The following HDAC9 variants were observed in gnomAD, a reference collection of about 807,000 sequenced individuals.
HDAC9 encodes the protein histone deacetylase 9.
In HDAC9, 41 loss-of-function variants were observed where a neutral mutation model predicts 139.4. The ratio of observed to expected loss-of-function variants is 0.29; its 90% CI spans 0.23 to 0.38. HDAC9 has a LOEUF of 0.38. Ranked by LOEUF, HDAC9 falls within the 10% of genes least tolerant of loss-of-function variation. The probability of loss-of-function intolerance (pLI) is 1.00; values close to 1 mark genes in which losing one functional copy is unlikely to be tolerated. For missense variants in HDAC9, 1,147 were observed against 1,297.0 expected (o/e 0.88, Z 1.78); for synonymous variants, 517 against 476.2 (o/e 1.09, Z -1.12).
At chr7:18,632,457 T>C (rs1267570308) in intron 7 of HDAC9, among the ~76,000 whole-genome samples, 1 of 152,044 alleles carries the variant, frequency 6.6e-6, no homozygotes, top group African/African-American at 2.4e-5. Context: ...GGAAACTGGG[T>C]GTTCCCTTTC....
intron 13 of HDAC9, among the ~76,000 whole-genome samples, chr7:18,731,485 G>A (rs1178132): frequency 6.6e-6 from 1 of 151,956 alleles, no homozygotes; most frequent in African/African-American, 2.4e-5. Context: ...ACTGGATTAG[G>A]CACACAACTC....
intron 1 of HDAC9, among the ~76,000 whole-genome samples, chr7:18,303,225 CT>C (rs560496191): frequency 2.7e-5 from 4 of 148,528 alleles, no homozygotes; most frequent in Admixed American, 1.3e-4. Flanking sequence ...GAATAAGACT[CT>C]TTTTTTTTTG....
At chr7:18,918,183 T>G (rs150777005) in intron 22 of HDAC9, among the ~76,000 whole-genome samples, 1 of 152,184 alleles carries the variant, frequency 6.6e-6, no homozygotes, top group Non-Finnish European at 1.5e-5. Flanking sequence ...ATTTCAGTCT[T>G]TGGTTCAGTG....
intron 12 of HDAC9, among the ~76,000 whole-genome samples, chr7:18,686,682 G>T (rs961019167): frequency 1.3e-5 from 2 of 151,896 alleles, no homozygotes; most frequent in Non-Finnish European, 2.9e-5. Flanking sequence ...AATGGCTGAA[G>T]TCTCTTTAAC....
intron 1 of HDAC9, among the ~76,000 whole-genome samples, chr7:18,407,911 G>C (rs1036196497): frequency 1.2e-4 from 18 of 152,194 alleles, no homozygotes; most frequent in African/African-American, 3.9e-4. Flanking sequence ...TTTTCAGATA[G>C]AGATAATAAA....
chr7:18,845,499 A>G (rs1796845019), intron 21 of HDAC9, among the ~76,000 whole-genome samples: 1 of 152,226 alleles, frequency 6.6e-6, no homozygotes, highest in Non-Finnish European at 1.5e-5. Flanking sequence ...GAATAGCTCC[A>G]GAGTGTAACT....
rs1338891818 is a variant in HDAC9, at chr7:18,246,494, C to T, written c.25+84145C>T. Among the ~76,000 whole-genome samples, 3 of 152,116 alleles carry T rather than the reference C, an allele frequency of 2.0e-5. No individual in the cohort carries two copies. The South Asian group carries it at 6.2e-4, about 32-fold the overall frequency. On this transcript the variant is annotated intron_variant, in intron 2 of 12. Coordinates refer to the HDAC9 transcript ENST00000417496. ...ATCACCCCAAAGGAGAACCCATATT[C>T]ACTAAATAGTCACCCCCCCATTCCC...
intron 2 of HDAC9, among the ~76,000 whole-genome samples, chr7:18,261,848 C>G (rs573667172): frequency 6.6e-6 from 1 of 152,180 alleles, no homozygotes; most frequent in Non-Finnish European, 1.5e-5. Flanking sequence ...TGCATTGTGG[C>G]TACTTGTCCT....
intron 3 of HDAC9, among the ~76,000 whole-genome samples, chr7:18,589,157 G>T (rs1306340961): frequency 6.6e-6 from 1 of 151,978 alleles, no homozygotes; most frequent in Admixed American, 6.5e-5. Flanking sequence ...TCCTCAGTGT[G>T]CACATTTACT....
At chr7:18,288,119 G>T (rs1342070951), upstream of HDAC9, among the ~76,000 whole-genome samples, 2 of 152,182 alleles carry the variant, frequency 1.3e-5, no homozygotes, top group African/African-American at 4.8e-5. Flanking sequence ...GGAAAACCAT[G>T]TTGCTGACAA....
At chr7:18,116,385 C>G (rs1243651522) in intron 1 of HDAC9, among the ~76,000 whole-genome samples, 1 of 152,100 alleles carries the variant, frequency 6.6e-6, no homozygotes, top group Non-Finnish European at 1.5e-5. Flanking sequence ...TATCTGTCAA[C>G]TATCACTTTG....
intron 22 of HDAC9, among the ~76,000 whole-genome samples, chr7:18,879,431 C>T (rs559076849): frequency 6.6e-5 from 10 of 152,118 alleles, no homozygotes; most frequent in Admixed American, 1.3e-4. Flanking sequence ...GCTACAGTAG[C>T]CAAAACAGCA....
chr7:18,938,334 G>C (rs781230135), intron 23 of HDAC9, among the ~76,000 whole-genome samples: 1 of 151,438 alleles, frequency 6.6e-6, no homozygotes, highest in Non-Finnish European at 1.5e-5. Context: ...GGTGTCTCAC[G>C]CCTGTAATCG....
chr7:18,223,103 G>T (rs1005041229), intron 2 of HDAC9, among the ~76,000 whole-genome samples: 2 of 152,106 alleles, frequency 1.3e-5, no homozygotes, highest in Non-Finnish European at 2.9e-5. Flanking sequence ...TAGTTGAGAA[G>T]AATGTCATAT....
intron 22 of HDAC9, among the ~76,000 whole-genome samples, chr7:18,905,150 C>A (rs1034834935): frequency 2.0e-5 from 3 of 152,182 alleles, no homozygotes; most frequent in Non-Finnish European, 2.9e-5. Context: ...CTTGGCCTCC[C>A]AAAGTGCTGG....
intron 1 of HDAC9, among the ~76,000 whole-genome samples, chr7:18,369,016 G>A (rs1033962682): frequency 3.3e-5 from 5 of 151,880 alleles, no homozygotes; most frequent in Admixed American, 6.6e-5. Context: ...TATACCACCT[G>A]GCCAAGTGCT....
At chr7:18,835,859 C>G (rs780340888) in intron 20 of HDAC9, 41 bp from the exon 21 acceptor site, 3 of 1,340,206 alleles carry the variant, frequency 2.2e-6, no homozygotes. Context: ...CTTCCATTTG[C>G]TCTCTTCTCT....
intron 16 of HDAC9, 154 bp from the exon 17 acceptor site, chr7:18,793,191 A>G: frequency 1.6e-6 from 1 of 639,684 alleles, no homozygotes; most frequent in Non-Finnish European, 2.8e-6. Flanking sequence ...ATGTTATTGT[A>G]CATAGGCTGT....
intron 21 of HDAC9, among the ~76,000 whole-genome samples, chr7:18,837,636 T>G (rs907940121): frequency 3.3e-5 from 5 of 152,220 alleles, no homozygotes; most frequent in African/African-American, 1.2e-4. Flanking sequence ...TAATTCCATT[T>G]GGGGTACTAT....
Sources: allele counts gnomAD v4.1 joint callset (sites outside exome capture counted in the v4.1 genomes callset), GRCh38; gene constraint gnomAD v4.1.1; transcripts MANE v1.5; gene names NCBI Gene and HGNC (gene_info 2026-07-23, HGNC 2026-07-21).